KIFC3: variants seen among roughly 807,000 people sequenced by gnomAD.
KIFC3 encodes kinesin family member C3, also known as kinesin-like protein KIFC3.
KIFC3 carries 60 observed loss-of-function variants against 101.8 expected under a neutral mutation model. The ratio of observed to expected loss-of-function variants is 0.59; its 90% confidence interval spans 0.48 to 0.73. The LOEUF (loss-of-function observed/expected upper bound fraction) is 0.73. Among genes scored for constraint, KIFC3 ranks in the 30% least tolerant of loss-of-function variants. KIFC3 has a pLI of 0.00. For synonymous variants in KIFC3, 476 were observed against 482.7 expected, an observed-to-expected ratio of 0.99 and a Z score of 0.18; for missense variants, 966 against 1,137.1, an observed-to-expected ratio of 0.85 and a Z score of 2.16.
chr16:57,808,104 CAAG>C (rs2054984196), upstream of KIFC3, among the ~76,000 whole-genome samples: 1 of 152,096 alleles, frequency 6.6e-6, no homozygotes, highest in African/African-American at 2.4e-5. Flanking sequence ...CCTTATGACT[CAAG>C]GAGGAATTTG....
At chr16:57,790,007 G>T (rs1029885506) in intron 3 of KIFC3, among the ~76,000 whole-genome samples, 2 of 151,262 alleles carry the variant, frequency 1.3e-5, no homozygotes, top group African/African-American at 4.9e-5. Flanking sequence ...AAAGTGCTGG[G>T]ATTACAGGCA....
At position 57,793,325 on chromosome 16, in the gene KIFC3, G is replaced by A. The variant is rs140092371; in HGVS notation, c.315+1674C>T. ...CATATAAATATGGCTGGGTGCACTG[G>A]CTCACACCTGTAATCCCAGCACTTT... On this transcript the variant is annotated intron_variant, in intron 3 of 19. Coordinates refer to ENST00000445690, the MANE Select transcript of KIFC3 (RefSeq NM_001130100.2). Among the ~76,000 whole-genome samples, 439 of 150,670 alleles carry A rather than the reference G, an allele frequency of 2.9e-3. 2 individuals carry two copies. Among genetic ancestry groups the A allele is most frequent in the South Asian group, 5.3e-3 (25 of 4,760 alleles).
intron 1 of KIFC3, among the ~76,000 whole-genome samples, chr16:57,845,736 G>A (rs2055905147): frequency 6.6e-6 from 1 of 152,158 alleles, no homozygotes; most frequent in South Asian, 2.1e-4. Flanking sequence ...TCTGCTGTTG[G>A]ATTGGTTGAT....
Position 57,771,705 on chromosome 16 carries a change from G to A in KIFC3, c.382-19C>T, listed in dbSNP as rs782440912. The A allele has an allele frequency of 1.2e-5, 19 of 1,605,250 alleles. No homozygotes were observed. The highest frequency in any genetic ancestry group is 6.7e-5 in the East Asian group (3 of 44,644). ...TGCCCCCCTGCAGAGAGCCAGGGCC[G>A]AGGGGGCGCATGTGGCGAGGGCAGA... On this transcript the variant is annotated intron_variant, in intron 4 of 19. Coordinates refer to ENST00000445690, the MANE Select transcript of KIFC3 (RefSeq NM_001130100.2).
chr16:57,807,954 A>AAAAC (rs2054979057), upstream of KIFC3: 2 of 118,248 alleles, frequency 1.7e-5, no homozygotes, highest in African/African-American at 5.3e-5. Flanking sequence ...AAAAAAAAAA[A>AAAAC]AAAAACCTTC....
Position 57,759,119 on chromosome 16 carries a change from A to G in KIFC3, c.*24+6T>C, listed in dbSNP as rs782596635. 7 of 1,550,642 alleles carry G rather than the reference A, an allele frequency of 4.5e-6. No homozygotes were observed. The South Asian group carries it at 8.3e-5, about 18-fold the overall frequency. ...GGCAGCCCTGGGCCACAGGCCCCAC[A>G]CTCACCTAGAGACTCTGCAGCCCCA... On this transcript the variant is annotated splice_donor_region_variant and intron_variant, in intron 19 of 19. Transcript: ENST00000445690.
rs181616942 is a variant in KIFC3, at chr16:57,844,753, T to C, written c.108+17976A>G. Reference sequence around the variant, plus strand: ...CAGCCCGTCTCGCTCTGACAGTCTATGGGAGCACAGTCTTCTATGCTGGAG... The same window carrying C: ...CAGCCCGTCTCGCTCTGACAGTCTACGGGAGCACAGTCTTCTATGCTGGAG... On this transcript the variant is annotated intron_variant, in intron 1 of 2. Transcript: ENST00000563028. 2.6e-5 allele frequency among the ~76,000 whole-genome samples: 4 copies of C among 152,268 alleles called. No homozygotes were observed. The East Asian group carries it at 5.8e-4, about 22-fold the overall frequency.
In KIFC3 at chr16:57,816,237, C is replaced by T. The variant is rs1477404; in HGVS notation, c.109-17955G>A. Reference sequence around the variant, plus strand: ...ATTCACAGGTGAGAAAACCGAGGCCCGGAAAGTGTCAACCCAAATCACGAC... The same window carrying T: ...ATTCACAGGTGAGAAAACCGAGGCCTGGAAAGTGTCAACCCAAATCACGAC... On this transcript the variant is annotated intron_variant, in intron 1 of 2. Coordinates refer to the KIFC3 transcript ENST00000563028. The T allele has an allele frequency of 2.2e-4, 288 of 1,288,362 alleles. 2 individuals are homozygous for T. Among genetic ancestry groups the T allele is most frequent in the South Asian group, 4.9e-5 (4 of 80,926 alleles). The allele number at this position is 1,288,362 out of a possible 1,614,324, so 79.8% of individuals were successfully genotyped here.
rs782460575 is a variant in KIFC3, at chr16:57,764,276, G to A, written c.1513-29C>T. ...GGAGGGTGGTGGGAGGGAGGCTGGT[G>A]GGGGGGCTTCCAGGGCCGCTGGGAC... is the stretch of plus-strand genomic sequence containing the variant. On this transcript the variant is annotated intron_variant, in intron 11 of 19. Coordinates refer to ENST00000445690, the MANE Select transcript of KIFC3 (RefSeq NM_001130100.2). The A allele has an allele frequency of 8.6e-6, 11 of 1,286,376 alleles. No individual in the cohort carries two copies. In the East Asian group the frequency reaches 2.5e-4, roughly 29 times the overall value. The allele number at this position is 1,286,376 out of a possible 1,614,324, so 79.7% of individuals were successfully genotyped here. A position where few individuals can be genotyped will look rare whatever the true frequency, so the allele number is the denominator to read the frequency against.
intron 1 of KIFC3, among the ~76,000 whole-genome samples, chr16:57,844,829 G>A (rs2055885083): frequency 6.6e-6 from 1 of 152,150 alleles, no homozygotes; most frequent in African/African-American, 2.4e-5. Flanking sequence ...CCAATTCCTA[G>A]ACAGACCCTG....
At chr16:57,764,024 T>G (rs2050167775) in intron 12 of KIFC3, 119 bp downstream of exon 12, 1 of 754,386 alleles carries the variant, frequency 1.3e-6, no homozygotes, top group South Asian at 1.6e-5. Context: ...CCTCTGCTCC[T>G]GGGTTGTGAG....
At chr16:57,842,280 G>A (rs1402963051) in intron 1 of KIFC3, among the ~76,000 whole-genome samples, 1 of 152,190 alleles carries the variant, frequency 6.6e-6, no homozygotes, top group African/African-American at 2.4e-5. Context: ...CCCCCACCTG[G>A]AATGCAAGCT....
At chr16:57,829,363 C>T (rs1054143670) in intron 1 of KIFC3, among the ~76,000 whole-genome samples, 12 of 152,140 alleles carry the variant, frequency 7.9e-5, no homozygotes, top group Non-Finnish European at 1.5e-4. Flanking sequence ...AAGCAATCCT[C>T]CCACCTCAGT....
At chr16:57,771,124 C>T in intron 6 of KIFC3, 74 bp downstream of exon 6, 1 of 1,564,578 alleles carries the variant, frequency 6.4e-7, no homozygotes, top group Non-Finnish European at 8.7e-7. Flanking sequence ...GGACAAGCCC[C>T]CCTTATGGGC....
At chr16:57,814,127 C>G (rs1172919318) in intron 1 of KIFC3, among the ~76,000 whole-genome samples, 1 of 152,148 alleles carries the variant, frequency 6.6e-6, no homozygotes, top group Non-Finnish European at 1.5e-5. Flanking sequence ...CTGCCTGCAG[C>G]CGCCCTGCCC....
rs879996251 is a variant in KIFC3 at position 57,772,143 on chromosome 16, G to A, written c.381+80C>T. On this transcript the variant is annotated intron_variant, in intron 4 of 19. Coordinates refer to ENST00000445690, the MANE Select transcript of KIFC3 (RefSeq NM_001130100.2). ...ATGCGGGCTCAGGAGAGAGAGGGTC[G>A]CACCCCTGCCCCTGGCAGGGCCCAT... 74 of 1,241,474 alleles carry A rather than the reference G, an allele frequency of 6.0e-5. 1 individual carries two copies. The South Asian group carries it at 7.3e-4, about 12-fold the overall frequency. The allele number at this position is 1,241,474 out of a possible 1,614,324, so 76.9% of individuals were successfully genotyped here. A position where few individuals can be genotyped will look rare whatever the true frequency, so the allele number is the denominator to read the frequency against.
chr16:57,829,140 G>A (rs1161169689), intron 1 of KIFC3, among the ~76,000 whole-genome samples: 1 of 151,936 alleles, frequency 6.6e-6, no homozygotes, highest in Non-Finnish European at 1.5e-5. Context: ...GAACTTTTAG[G>A]GCAAAGATAA....
intron 1 of KIFC3, among the ~76,000 whole-genome samples, chr16:57,855,703 T>C (rs1451308011): frequency 6.6e-6 from 1 of 151,896 alleles, no homozygotes; most frequent in Non-Finnish European, 1.5e-5. Flanking sequence ...CTCAGCCCTG[T>C]GGGAGACCAA....
At chr16:57,838,367 C>T (rs1290297544) in intron 1 of KIFC3, among the ~76,000 whole-genome samples, 1 of 152,126 alleles carries the variant, frequency 6.6e-6, no homozygotes, top group Non-Finnish European at 1.5e-5. Context: ...CTCGCAGCCA[C>T]GCAATTTTTG....
Sources: allele counts gnomAD v4.1 joint callset (sites outside exome capture counted in the v4.1 genomes callset), GRCh38; gene constraint gnomAD v4.1.1; transcripts MANE v1.5; gene names NCBI Gene and HGNC (gene_info 2026-07-23, HGNC 2026-07-21).